KDM5B: variants seen among roughly 807,000 people sequenced by gnomAD.
KDM5B encodes lysine demethylase 5B, also known as lysine-specific demethylase 5B.
Under a neutral mutation model 193.4 loss-of-function variants are expected in KDM5B, and 144 were observed. The observed-to-expected ratio is 0.74, with a 90% CI of 0.65 to 0.86. KDM5B has a LOEUF of 0.86. Ranked by LOEUF, KDM5B falls within the 40% of genes least tolerant of loss-of-function variation. The probability of loss-of-function intolerance (pLI) is 0.00; values close to 1 mark genes in which losing one functional copy is unlikely to be tolerated. For synonymous variants in KDM5B, 668 were observed against 682.6 expected, an observed-to-expected ratio of 0.98 and a Z score of 0.33; for missense variants, 1,833 against 1,886.9, an observed-to-expected ratio of 0.97 and a Z score of 0.53.
intron 14 of KDM5B, among the ~76,000 whole-genome samples, chr1:202,747,460 C>G (rs1655602771): frequency 6.6e-6 from 1 of 151,818 alleles, no homozygotes; most frequent in African/African-American, 2.4e-5. Flanking sequence ...GCACTATTTT[C>G]CCCCAACTGT....
At chr1:202,748,496 AC>A (rs1363772234) in intron 14 of KDM5B, among the ~76,000 whole-genome samples, 2 of 144,296 alleles carry the variant, frequency 1.4e-5, no homozygotes, top group Non-Finnish European at 3.1e-5. Flanking sequence ...CATTAGCAAA[AC>A]ACCTATCTGA....
At chr1:202,773,086 T>C (rs756690089) in intron 4 of KDM5B, 32 bp downstream of exon 4, 13 of 1,456,610 alleles carry the variant, frequency 8.9e-6, no homozygotes, top group South Asian at 2.3e-5. Flanking sequence ...AGTAGTAAGA[T>C]AAAACAGGTT....
rs778103795 is a variant in KDM5B, at chr1:202,755,253, C to CT, written c.1538+17dup. The CT allele has an allele frequency of 3.7e-6, 6 of 1,608,590 alleles. No individual in the cohort carries two copies. In the South Asian group the frequency reaches 5.5e-5, roughly 15 times the overall value. On this transcript the variant is annotated intron_variant, in intron 11 of 26. Coordinates refer to ENST00000367265, the MANE Select transcript of KDM5B (RefSeq NM_006618.5). ...CCAGCATGCATACTACTCATGGGTT[C>CT]TTTTTGGAACTTCTCACCAGTGCAA...
intron 1 of KDM5B, among the ~76,000 whole-genome samples, chr1:202,784,016 G>C (rs185115076): frequency 6.6e-6 from 1 of 152,290 alleles, no homozygotes; most frequent in African/African-American, 2.4e-5. Context: ...CTCAGTGCCA[G>C]CATTAACTTA....
intron 1 of KDM5B, among the ~76,000 whole-genome samples, chr1:202,807,870 C>G (rs982970333): frequency 4.6e-5 from 7 of 152,006 alleles, no homozygotes; most frequent in Non-Finnish European, 8.8e-5. Context: ...ACCCGGCCCT[C>G]CCATGGCACC....
At chr1:202,736,132 T>C in intron 21 of KDM5B, 81 bp downstream of exon 21, 1 of 1,002,552 alleles carries the variant, frequency 1.0e-6, no homozygotes, top group Non-Finnish European at 1.4e-6. Flanking sequence ...ATCTGTGATG[T>C]CATCTTTGTA....
intron 14 of KDM5B, among the ~76,000 whole-genome samples, chr1:202,747,747 G>A (rs1655617871): frequency 6.6e-6 from 1 of 151,770 alleles, no homozygotes; most frequent in African/African-American, 2.4e-5. Flanking sequence ...GTTTTTAAAA[G>A]TACAATTTAT....
At chr1:202,777,897 C>T (rs1490977229) in intron 1 of KDM5B, among the ~76,000 whole-genome samples, 4 of 151,858 alleles carry the variant, frequency 2.6e-5, no homozygotes, top group Non-Finnish European at 5.9e-5. Flanking sequence ...CATCCTTGGC[C>T]GGGCAAGGTG....
At chr1:202,781,560 T>G (rs549399776) in intron 1 of KDM5B, among the ~76,000 whole-genome samples, 2 of 152,342 alleles carry the variant, frequency 1.3e-5, no homozygotes, top group African/African-American at 4.8e-5. Context: ...TTTATTTTTG[T>G]TTAGCTCAAT....
intron 24 of KDM5B, among the ~76,000 whole-genome samples, chr1:202,731,512 A>C (rs1310316406): frequency 6.6e-6 from 1 of 152,168 alleles, no homozygotes; most frequent in Non-Finnish European, 1.5e-5. Flanking sequence ...AAGATTCTCC[A>C]CAAGTCTCCT....
intron 1 of KDM5B, among the ~76,000 whole-genome samples, chr1:202,779,680 G>T (rs1230917936): frequency 2.0e-5 from 3 of 151,888 alleles, no homozygotes; most frequent in Non-Finnish European, 4.4e-5. Flanking sequence ...ACACATGCCT[G>T]TAGTCCCAGC....
chr1:202,754,777 CA>C (rs1478124068), intron 11 of KDM5B, among the ~76,000 whole-genome samples: 1 of 152,228 alleles, frequency 6.6e-6, no homozygotes, highest in Non-Finnish European at 1.5e-5. Context: ...CTCTGCCTCC[CA>C]GGATCAAGTG....
At chr1:202,741,234 A>G in intron 19 of KDM5B, 133 bp downstream of exon 19, 1 of 556,914 alleles carries the variant, frequency 1.8e-6, no homozygotes. Flanking sequence ...TATCTCAGCT[A>G]TTTCTACATG....
At chr1:202,734,286 A>C (rs1247394749) in intron 22 of KDM5B, among the ~76,000 whole-genome samples, 2 of 129,228 alleles carry the variant, frequency 1.5e-5, no homozygotes, top group Admixed American at 9.8e-5. Flanking sequence ...TAAACTCTCC[A>C]TTATCTCTAT....
rs530918025 is a variant in KDM5B, at chr1:202,790,182, A to C, written c.205-13088T>G. Reference sequence around the variant, plus strand: ...CAGGAGGCTGAGGCAGGAGAATCTCAAACTCGGGAGGTAAAGGTTGCGGTA... The same window carrying C: ...CAGGAGGCTGAGGCAGGAGAATCTCCAACTCGGGAGGTAAAGGTTGCGGTA... On this transcript the variant is annotated intron_variant, in intron 1 of 26. Coordinates refer to ENST00000367265, the MANE Select transcript of KDM5B (RefSeq NM_006618.5). Among the ~76,000 whole-genome samples, 9 of 150,378 alleles carry C rather than the reference A, an allele frequency of 6.0e-5. No homozygotes were observed. The South Asian group carries it at 1.9e-3, about 32-fold the overall frequency.
intron 1 of KDM5B, among the ~76,000 whole-genome samples, chr1:202,788,247 C>G (rs373548720): frequency 6.6e-6 from 1 of 152,142 alleles, no homozygotes; most frequent in Non-Finnish European, 1.5e-5. Flanking sequence ...CCTGAAAATA[C>G]CAACACAATC....
At chr1:202,732,042 GA>G (rs756754712) in intron 23 of KDM5B, 103 bp from the exon 24 acceptor site, 42,020 of 372,036 alleles carry the variant, frequency 0.11, 447 homozygotes, top group East Asian at 0.25. Flanking sequence ...GCAACCAGGG[GA>G]AAAAAAAAAA....
chr1:202,773,113 C>T lies in KDM5B; in HGVS notation c.576+5G>A. ...AAACAGGTTAAGGCTAGCCCCCAAA[C>T]TTACCCTTAGGCTGTCTCCGGACAG... On this transcript the variant is annotated splice_donor_5th_base_variant and intron_variant, in intron 4 of 26. Coordinates refer to ENST00000367265, the MANE Select transcript of KDM5B (RefSeq NM_006618.5). 1 of 1,602,930 alleles carries T rather than the reference C, an allele frequency of 6.2e-7. No individual in the cohort carries two copies.
rs944856331 is a variant in KDM5B at position 202,728,853 on chromosome 1, T to C, written c.*183A>G. On this transcript the variant is annotated 3_prime_UTR_variant, in exon 27 of 27. Coordinates refer to ENST00000367265, the MANE Select transcript of KDM5B (RefSeq NM_006618.5). Reference sequence around the variant, plus strand: ...GAAAAAATACAAAAAGTGTCAAAAATTTTTTTAGTTGTTTTTTCTTTTCTT... The same window carrying C: ...GAAAAAATACAAAAAGTGTCAAAAACTTTTTTAGTTGTTTTTTCTTTTCTT... 8 of 670,054 alleles carry C rather than the reference T, an allele frequency of 1.2e-5. No homozygotes were observed. The South Asian group carries it at 2.2e-4, about 19-fold the overall frequency. 41.5% of individuals were successfully genotyped at this position (670,054 alleles called of 1,614,324 possible). A position where few individuals can be genotyped will look rare whatever the true frequency, so the allele number is the denominator to read the frequency against.
Sources: gnomAD v4.1 joint callset for allele counts (sites outside exome capture counted in the v4.1 genomes callset) on GRCh38, gnomAD v4.1.1 for gene constraint, MANE v1.5 for transcripts, NCBI Gene and HGNC (gene_info 2026-07-23, HGNC 2026-07-21) for gene names.